Variants in MGRN1 observed in about 807,000 individuals in gnomAD.
The protein encoded by MGRN1 is E3 ubiquitin-protein ligase MGRN1.
Under a neutral mutation model 69.2 loss-of-function variants are expected in MGRN1, and 29 were observed. The ratio of observed to expected loss-of-function variants is 0.42; its 90% CI spans 0.31 to 0.57. MGRN1 has a LOEUF of 0.57. Ranked by LOEUF, MGRN1 falls within the 20% of genes least tolerant of loss-of-function variation. The probability of loss-of-function intolerance (pLI) is 0.15; values close to 1 mark genes in which losing one functional copy is unlikely to be tolerated. For synonymous variants in MGRN1, 470 were observed against 344.2 expected (o/e 1.37, Z -4.04); for missense variants, 998 against 796.2 (o/e 1.25, Z -3.05).
In MGRN1 at chr16:4,652,943, C is replaced by T. The variant is rs1052070189; in HGVS notation, c.443+119C>T. Reference sequence around the variant, plus strand: ...CAAACCGTGCTCTTTGACCATACTCCCAGGACTTTACCACGATGTGAGGGG... The same window carrying T: ...CAAACCGTGCTCTTTGACCATACTCTCAGGACTTTACCACGATGTGAGGGG... On this transcript the variant is annotated intron_variant, in intron 4 of 16. Transcript: ENST00000262370. 1.4e-5 allele frequency: 18 copies of T among 1,294,034 alleles called. No homozygotes were observed. In the African/African-American group the frequency reaches 2.0e-4, roughly 14 times the overall value. The allele number at this position is 1,294,034 out of a possible 1,614,324, so 80.2% of individuals were successfully genotyped here.
intron 4 of MGRN1, among the ~76,000 whole-genome samples, chr16:4,653,476 T>TTTTTGTTTTGTTTTTGTTTTG (rs2078453351): frequency 1.3e-5 from 2 of 152,030 alleles, no homozygotes; most frequent in South Asian, 4.2e-4. Context: ...CAGTTCCAGG[T>TTTTTGTTTTGTTTTTGTTTTG]TTTTGTTTTG....
intron 1 of MGRN1, among the ~76,000 whole-genome samples, chr16:4,639,488 TG>T (rs2141844853): frequency 6.6e-6 from 1 of 152,236 alleles, no homozygotes; most frequent in African/African-American, 2.4e-5. Context: ...ATCATTAGGC[TG>T]GGGGCATCTG....
chr16:4,642,682 A>G (rs2078187651), intron 1 of MGRN1, among the ~76,000 whole-genome samples: 3 of 148,220 alleles, frequency 2.0e-5, no homozygotes, highest in Non-Finnish European at 3.0e-5. Context: ...CTGGTCTTCA[A>G]CTCCTGACGG....
At chr16:4,633,941 T>C (rs1438150802) in intron 1 of MGRN1, 1 of 152,122 alleles carries the variant, frequency 6.6e-6, no homozygotes, top group Admixed American at 6.5e-5. Flanking sequence ...ATGGTCTCCA[T>C]CTCCTGACCT....
In MGRN1 at chr16:4,664,833, T is replaced by C; in HGVS notation, c.628+58T>C. On this transcript the variant is annotated intron_variant, in intron 6 of 16. Transcript: ENST00000262370. ...GCAGGCCGTGCAGGGAGGAAGCACG[T>C]CTTGAGGGAGGAGTGCTTGCAGCAG... 2.5e-6 allele frequency: 4 copies of C among 1,589,828 alleles called. No individual in the cohort carries two copies. The South Asian group carries it at 3.3e-5, about 13-fold the overall frequency.
intron 5 of MGRN1, among the ~76,000 whole-genome samples, chr16:4,663,365 G>GTTTT (rs1183914569): frequency 0.012 from 722 of 61,756 alleles, 97 homozygotes; most frequent in African/African-American, 0.032. Flanking sequence ...ACCTGGCCTT[G>GTTTT]TTTTTTTTTT....
At chr16:4,660,252 T>C (rs1481804510) in intron 5 of MGRN1, among the ~76,000 whole-genome samples, 1 of 152,198 alleles carries the variant, frequency 6.6e-6, no homozygotes, top group Admixed American at 6.5e-5. Flanking sequence ...TCTGTGAGCC[T>C]GGGTTTGCCC....
In MGRN1 at chr16:4,657,642, C is replaced by T. The variant is rs571740814; in HGVS notation, c.561+279C>T. On this transcript the variant is annotated intron_variant, in intron 5 of 16. Transcript: ENST00000262370. ...GGAGATGTGAAGAATGGGGCACCCC[C>T]TGCCAGGCTGCAGCAATGCAGGGTC... Among the ~76,000 whole-genome samples the T allele has an allele frequency of 2.0e-5, 3 of 152,184 alleles. No individual in the cohort carries two copies. In the East Asian group the frequency reaches 5.8e-4, roughly 29 times the overall value.
intron 4 of MGRN1, among the ~76,000 whole-genome samples, chr16:4,654,157 C>A (rs187504100): frequency 6.6e-6 from 1 of 152,224 alleles, no homozygotes; most frequent in African/African-American, 2.4e-5. Flanking sequence ...CCTCCAGGAG[C>A]CAAGAGTCAC....
At chr16:4,628,201 A>C (rs998452561) in intron 1 of MGRN1, among the ~76,000 whole-genome samples, 4 of 151,744 alleles carry the variant, frequency 2.6e-5, no homozygotes, top group Admixed American at 2.6e-4. Flanking sequence ...CCTGGCTAAC[A>C]CGGTGAAACC....
At chr16:4,688,763 G>GT in intron 16 of MGRN1, 33 bp from the exon 17 acceptor site, 2 of 1,520,730 alleles carry the variant, frequency 1.3e-6, no homozygotes, top group Non-Finnish European at 8.9e-7. Flanking sequence ...AGGCATCCGA[G>GT]TGTGACCCTC....
Position 4,650,493 on chromosome 16 carries a change from G to C in MGRN1, c.207+10G>C. Reference sequence around the variant, plus strand: ...CAGCCGCCCGGTCCAGGTGGGTCTGGACAGGGCTGTCTCATGGGGCTGTGG... The same window carrying C: ...CAGCCGCCCGGTCCAGGTGGGTCTGCACAGGGCTGTCTCATGGGGCTGTGG... On this transcript the variant is annotated intron_variant, in intron 2 of 16. Transcript: ENST00000262370. 1 of 1,599,552 alleles carries C rather than the reference G, an allele frequency of 6.3e-7. No individual in the cohort carries two copies. Among genetic ancestry groups the C allele is most frequent in the Non-Finnish European group, 8.5e-7 (1 of 1,172,572 alleles).
intron 15 of MGRN1, 52 bp downstream of exon 15, chr16:4,683,321 T>C (rs1310805367): frequency 6.2e-7 from 1 of 1,601,788 alleles, no homozygotes; most frequent in East Asian, 2.2e-5. Flanking sequence ...CAGGCAGCCC[T>C]GGCTTACTGG....
At chr16:4,686,881 C>A in intron 16 of MGRN1, 2 of 985,532 alleles carry the variant, frequency 2.0e-6, no homozygotes, top group Non-Finnish European at 2.4e-6. Flanking sequence ...TTGGGAGAGC[C>A]CCTGGATCAC....
rs141379936 is a variant in MGRN1, at chr16:4,689,822, G to A, written c.*914G>A. ...CTCTTGCTGCCCAGGCTGGAGTGCAGTGGCTCAATCTCGGGTCACTGCAAC... is the reference window on the plus strand; with the variant it reads ...CTCTTGCTGCCCAGGCTGGAGTGCAATGGCTCAATCTCGGGTCACTGCAAC... On this transcript the variant is annotated 3_prime_UTR_variant, in exon 17 of 17. Coordinates refer to ENST00000262370, the MANE Select transcript of MGRN1 (RefSeq NM_015246.4). 0.045 allele frequency: 6,836 copies of A among 150,560 alleles called. 276 individuals are homozygous for A. The highest frequency in any genetic ancestry group is 0.11 in the African/African-American group (4,383 of 40,760). 9.3% of individuals were successfully genotyped at this position (150,560 alleles called of 1,614,324 possible).
At chr16:4,643,746 T>A (rs933457210) in intron 1 of MGRN1, among the ~76,000 whole-genome samples, 2 of 152,188 alleles carry the variant, frequency 1.3e-5, no homozygotes, top group African/African-American at 4.8e-5. Flanking sequence ...TTTTAAATAA[T>A]TTTACATCAT....
At position 4,686,312 on chromosome 16, in the gene MGRN1, C is replaced by T. The variant is rs748275944; in HGVS notation, c.1618+2380C>T. 29 of 1,544,640 alleles carry T rather than the reference C, an allele frequency of 1.9e-5. No individual in the cohort carries two copies. In the South Asian group the frequency reaches 3.1e-4, roughly 16 times the overall value. ...TATAGACGAGTAAGCCGGTACGTGA[C>T]CTCCCAGACGCGCTTCGGGGGCTCT... On this transcript the variant is annotated intron_variant, in intron 16 of 16. Coordinates refer to ENST00000262370, the MANE Select transcript of MGRN1 (RefSeq NM_015246.4).
At position 4,652,814 on chromosome 16, in the gene MGRN1, G is replaced by A. The variant is rs1192289812; in HGVS notation, c.433G>A (p.Gly145Ser). Residue 145 changes from glycine to serine, a missense_variant, in exon 4 of 17, where the codon GGC becomes AGC. Coordinates refer to ENST00000262370, the MANE Select transcript of MGRN1 (RefSeq NM_015246.4). ...CCAGGCATCGGAGGAGTTCCTGAAC[G>A]GCAGGGCAGTGTGAGTCCCGCGGGC... ...YCQASEEFLN[G>S]RAVYSPKSPS... 1.4e-5 allele frequency: 23 copies of A among 1,607,420 alleles called. No homozygotes were observed. The highest frequency in any genetic ancestry group is 5.3e-5 in the African/African-American group (4 of 74,824).
chr16:4,688,999 C>T lies in MGRN1; in HGVS notation c.*91C>T. 1 of 1,438,528 alleles carries T rather than the reference C, an allele frequency of 7.0e-7. No individual in the cohort carries two copies. The highest frequency in any genetic ancestry group is 1.4e-5 in the South Asian group (1 of 71,866). 89.1% of individuals were successfully genotyped at this position (1,438,528 alleles called of 1,614,324 possible). On this transcript the variant is annotated 3_prime_UTR_variant, in exon 17 of 17. Transcript: ENST00000262370. ...ACCCCGTTGTGAGCCGGCCTCCTGTCTGCATGCCCCCTGTGGCCACCAGGC... is the reference window on the plus strand; with the variant it reads ...ACCCCGTTGTGAGCCGGCCTCCTGTTTGCATGCCCCCTGTGGCCACCAGGC...
Sources: allele counts gnomAD v4.1 joint callset (sites outside exome capture counted in the v4.1 genomes callset), GRCh38; gene constraint gnomAD v4.1.1; transcripts MANE v1.5; gene names NCBI Gene and HGNC (gene_info 2026-07-23, HGNC 2026-07-21).